RNF150: variants seen among roughly 807,000 people sequenced by gnomAD.
RNF150 encodes ring finger protein 150.
In RNF150, 24 loss-of-function variants were observed where a neutral mutation model predicts 39.3. The observed-to-expected ratio is 0.61, with a 90% CI of 0.44 to 0.86. The LOEUF (loss-of-function observed/expected upper bound fraction) is 0.86. RNF150 is among the 40% of genes least tolerant of loss of function. The probability of loss-of-function intolerance (pLI) is 0.00; values close to 1 mark genes in which losing one functional copy is unlikely to be tolerated. For synonymous variants in RNF150, 255 were observed against 227.3 expected, an observed-to-expected ratio of 1.12 and a Z score of -1.10; for missense variants, 502 against 587.8, an observed-to-expected ratio of 0.85 and a Z score of 1.51.
At chr4:141,078,630 A>C (rs975228358) in intron 1 of RNF150, among the ~76,000 whole-genome samples, 12 of 139,196 alleles carry the variant, frequency 8.6e-5, no homozygotes, top group African/African-American at 1.2e-4. Context: ...AAATACAAAC[A>C]AAAAAAAAAA....
At chr4:140,886,946 A>C (rs556187414) in intron 6 of RNF150, among the ~76,000 whole-genome samples, 24 of 152,274 alleles carry the variant, frequency 1.6e-4, no homozygotes, top group South Asian at 2.1e-4. Flanking sequence ...TTACATAGAG[A>C]TCTATGACTC....
At chr4:141,126,091 T>C (rs548342120) in intron 1 of RNF150, among the ~76,000 whole-genome samples, 1 of 61,500 alleles carries the variant, frequency 1.6e-5, no homozygotes, top group South Asian at 7.1e-4. Context: ...GCAAAATAAA[T>C]ACATACACAC....
intron 1 of RNF150, among the ~76,000 whole-genome samples, chr4:141,162,403 G>A (rs193263369): frequency 9.9e-4 from 151 of 152,186 alleles, no homozygotes; most frequent in African/African-American, 3.3e-3. Flanking sequence ...TAACTATGTC[G>A]TTTTTGATTT....
chr4:141,014,899 C>T (rs765915507), intron 1 of RNF150, among the ~76,000 whole-genome samples: 6 of 152,130 alleles, frequency 3.9e-5, no homozygotes, highest in Admixed American at 1.3e-4. Context: ...TTGCCTAGAC[C>T]AATGTCATGG....
chr4:140,929,237 T>C (rs895602047), intron 4 of RNF150, among the ~76,000 whole-genome samples: 1 of 262 alleles, frequency 3.8e-3, no homozygotes, highest in African/African-American at 5.3e-3. Context: ...AAGTATTTAA[T>C]ACTACAGCGG....
At chr4:140,975,282 A>T (rs1408265699) in intron 1 of RNF150, among the ~76,000 whole-genome samples, 1 of 152,130 alleles carries the variant, frequency 6.6e-6, no homozygotes. Flanking sequence ...CATAAAATAC[A>T]GTATTTGCAG....
intron 1 of RNF150, among the ~76,000 whole-genome samples, chr4:141,183,575 T>C (rs1241058075): frequency 1.3e-5 from 2 of 152,128 alleles, no homozygotes; most frequent in Admixed American, 6.6e-5. Flanking sequence ...CCAGCATACA[T>C]GTGCAGAATG....
intron 1 of RNF150, among the ~76,000 whole-genome samples, chr4:141,066,583 C>G (rs903964167): frequency 6.6e-6 from 1 of 152,096 alleles, no homozygotes; most frequent in African/African-American, 2.4e-5. Flanking sequence ...AAGCAAAGAG[C>G]TATAGTACCT....
chr4:141,173,407 G>A (rs191268457), intron 1 of RNF150, among the ~76,000 whole-genome samples: 2 of 152,318 alleles, frequency 1.3e-5, no homozygotes, highest in Admixed American at 1.3e-4. Context: ...TGAGCATTGT[G>A]TACTTCACTA....
chr4:140,899,833 T>TC (rs3832305), intron 6 of RNF150, among the ~76,000 whole-genome samples: 84,255 of 151,460 alleles, frequency 0.56, 24,215 homozygotes, highest in East Asian at 0.84. Flanking sequence ...TGAAAATTTT[T>TC]CCCCAAAGTG....
intron 1 of RNF150, among the ~76,000 whole-genome samples, chr4:141,095,154 G>A (rs1365568256): frequency 6.6e-6 from 1 of 152,218 alleles, no homozygotes; most frequent in Admixed American, 6.5e-5. Flanking sequence ...CCCACCCCAA[G>A]AGTGGGTAAG....
intron 1 of RNF150, among the ~76,000 whole-genome samples, chr4:141,097,549 T>C (rs184848625): frequency 6.6e-6 from 1 of 152,296 alleles, no homozygotes; most frequent in East Asian, 1.9e-4. Context: ...TTAAAATTTA[T>C]GGTAATTTTG....
chr4:140,973,398 TTTTATC>T (rs1733537577), intron 1 of RNF150, among the ~76,000 whole-genome samples: 1 of 152,168 alleles, frequency 6.6e-6, no homozygotes, highest in African/African-American at 2.4e-5. Context: ...AGGTATTTCA[TTTTATC>T]TTTAATTCTG....
chr4:140,899,574 G>A (rs1730094530), intron 6 of RNF150, among the ~76,000 whole-genome samples: 1 of 151,954 alleles, frequency 6.6e-6, no homozygotes, highest in Non-Finnish European at 1.5e-5. Context: ...GTGTATGCAT[G>A]TGTATGTGTG....
At position 141,122,317 on chromosome 4, in the gene RNF150, G is replaced by A. The variant is rs1043589200; in HGVS notation, c.484+10008C>T. ...TCATTTCTCCTGATTCGCCACCTTC[G>A]GTGGTGTCTTGCCTCAGCTGCCAAA... On this transcript the variant is annotated intron_variant, in intron 1 of 6. Coordinates refer to ENST00000515673, the MANE Select transcript of RNF150 (RefSeq NM_020724.2). 4.6e-5 allele frequency among the ~76,000 whole-genome samples: 7 copies of A among 152,112 alleles called. No homozygotes were observed. The South Asian group carries it at 1.2e-3, about 27-fold the overall frequency.
intron 1 of RNF150, among the ~76,000 whole-genome samples, chr4:141,068,011 T>A (rs1462513375): frequency 6.6e-6 from 1 of 152,016 alleles, no homozygotes; most frequent in South Asian, 2.1e-4. Context: ...AGTGGCATGA[T>A]TTTGGCTCAC....
At chr4:141,020,100 A>AT (rs1395017032) in intron 1 of RNF150, among the ~76,000 whole-genome samples, 1 of 124,146 alleles carries the variant, frequency 8.1e-6, no homozygotes, top group Non-Finnish European at 1.9e-5. Context: ...TTTTGGTTTG[A>AT]TATTTTTTTT....
intron 5 of RNF150, among the ~76,000 whole-genome samples, chr4:140,911,829 G>C (rs1384126436): frequency 1.3e-5 from 2 of 152,100 alleles, no homozygotes; most frequent in African/African-American, 2.4e-5. Context: ...AGTCATTATG[G>C]CTTGTTCATT....
intron 1 of RNF150, among the ~76,000 whole-genome samples, chr4:141,144,734 T>C (rs1727173078): frequency 6.6e-6 from 1 of 152,212 alleles, no homozygotes; most frequent in South Asian, 2.1e-4. Flanking sequence ...ATATTTTCTA[T>C]AGGGCTTCGT....
Sources: gnomAD v4.1 joint callset for allele counts (sites outside exome capture counted in the v4.1 genomes callset) on GRCh38, gnomAD v4.1.1 for gene constraint, MANE v1.5 for transcripts, NCBI Gene and HGNC (gene_info 2026-07-23, HGNC 2026-07-21) for gene names.